CPNE4: variants seen among roughly 807,000 people sequenced by gnomAD.
CPNE4 encodes the protein copine-4.
CPNE4 carries 25 observed loss-of-function variants against 67.9 expected under a neutral mutation model. The ratio of observed to expected loss-of-function variants is 0.37; its 90% CI spans 0.27 to 0.51. The LOEUF (loss-of-function observed/expected upper bound fraction) is 0.51, where lower values mean the gene tolerates loss of function less well. Ranked by LOEUF, CPNE4 falls within the 20% of genes least tolerant of loss-of-function variation. The probability of loss-of-function intolerance (pLI) is 0.93; values close to 1 mark genes in which losing one functional copy is unlikely to be tolerated. For missense variants in CPNE4, 464 were observed against 690.8 expected (o/e 0.67, Z 3.68); for synonymous variants, 242 against 244.9 (o/e 0.99, Z 0.11).
At chr3:131,943,012 A>G (rs1000499169) in intron 1 of CPNE4, among the ~76,000 whole-genome samples, 4 of 152,134 alleles carry the variant, frequency 2.6e-5, no homozygotes, top group African/African-American at 9.6e-5. Flanking sequence ...TAGGCTCACA[A>G]TTCCTTATCT....
At chr3:132,031,293 A>G (rs2074228648) in intron 1 of CPNE4, among the ~76,000 whole-genome samples, 1 of 152,200 alleles carries the variant, frequency 6.6e-6, no homozygotes, top group Non-Finnish European at 1.5e-5. Flanking sequence ...AGGAAATATG[A>G]CTTTGGGTTA....
intron 1 of CPNE4, among the ~76,000 whole-genome samples, chr3:131,994,175 A>G (rs1266251204): frequency 7.3e-6 from 1 of 136,526 alleles, no homozygotes; most frequent in Admixed American, 8.2e-5. Flanking sequence ...TGTAAAAACT[A>G]CTAATGAGAA....
intron 1 of CPNE4, among the ~76,000 whole-genome samples, chr3:131,908,394 T>C (rs2088847477): frequency 6.6e-6 from 1 of 152,160 alleles, no homozygotes; most frequent in African/African-American, 2.4e-5. Context: ...TGGCTTTGTG[T>C]TCAGACAGGT....
At chr3:131,986,270 G>C (rs148485447) in intron 1 of CPNE4, among the ~76,000 whole-genome samples, 32 of 152,294 alleles carry the variant, frequency 2.1e-4, no homozygotes, top group Non-Finnish European at 4.3e-4. Flanking sequence ...AATTTCTGTT[G>C]TGTAAATATT....
chr3:132,020,795 G>A (rs955559516), intron 1 of CPNE4, among the ~76,000 whole-genome samples: 1 of 152,180 alleles, frequency 6.6e-6, no homozygotes, highest in Admixed American at 6.5e-5. Context: ...ACAGGACACT[G>A]TTAACCCTAG....
chr3:131,820,719 G>A (rs1346601255), intron 2 of CPNE4, among the ~76,000 whole-genome samples: 2 of 152,088 alleles, frequency 1.3e-5, no homozygotes, highest in Non-Finnish European at 2.9e-5. Flanking sequence ...GTTAAGTTCT[G>A]ATCCCAGAAA....
At chr3:132,009,358 T>C (rs1273050506) in intron 1 of CPNE4, among the ~76,000 whole-genome samples, 1 of 152,156 alleles carries the variant, frequency 6.6e-6, no homozygotes, top group Non-Finnish European at 1.5e-5. Context: ...TCACAGCCTG[T>C]CCCCATCCCT....
At chr3:131,893,701 G>A (rs1043983350) in intron 2 of CPNE4, among the ~76,000 whole-genome samples, 2 of 151,844 alleles carry the variant, frequency 1.3e-5, no homozygotes, top group African/African-American at 4.8e-5. Context: ...TAAACAGCAC[G>A]CTCTTAAACA....
At chr3:131,838,304 A>G (rs1333805085) in intron 2 of CPNE4, among the ~76,000 whole-genome samples, 2 of 151,992 alleles carry the variant, frequency 1.3e-5, no homozygotes, top group Non-Finnish European at 2.9e-5. Flanking sequence ...TAGAAAAAAT[A>G]CAAAGAACAA....
intron 1 of CPNE4, among the ~76,000 whole-genome samples, chr3:131,930,910 G>T (rs1486026898): frequency 2.6e-5 from 4 of 152,008 alleles, no homozygotes; most frequent in Admixed American, 2.6e-4. Context: ...CTCTTCACAT[G>T]CCTGCGCCTC....
intron 2 of CPNE4, among the ~76,000 whole-genome samples, chr3:131,823,134 C>T (rs898657441): frequency 1.3e-5 from 2 of 152,188 alleles, no homozygotes; most frequent in Non-Finnish European, 2.9e-5. Flanking sequence ...CCACTGCGCC[C>T]GGTCTGTACA....
upstream of CPNE4, chr3:132,037,436 T>C (rs886699722): frequency 1.1e-5 from 8 of 751,668 alleles, no homozygotes; most frequent in Admixed American, 1.5e-4. Context: ...TCTGTACAAA[T>C]GAAGATTTGT....
intron 2 of CPNE4, among the ~76,000 whole-genome samples, chr3:131,898,725 C>T (rs1424272057): frequency 6.6e-6 from 1 of 152,062 alleles, no homozygotes; most frequent in Admixed American, 6.6e-5. Context: ...CACATGACCC[C>T]AGGCAACAAG....
chr3:132,033,439 G>A (rs1200212263), intron 1 of CPNE4, among the ~76,000 whole-genome samples: 2 of 151,474 alleles, frequency 1.3e-5, no homozygotes, highest in African/African-American at 4.9e-5. Flanking sequence ...AGAGGGAGAG[G>A]TTCTCAGATG....
At chr3:131,760,930 T>C (rs538112454) in intron 2 of CPNE4, among the ~76,000 whole-genome samples, 25 of 152,178 alleles carry the variant, frequency 1.6e-4, no homozygotes, top group African/African-American at 5.5e-4. Flanking sequence ...GAGAAGAAGA[T>C]TCAAGGAGAT....
At chr3:131,959,963 C>T (rs899300566) in intron 1 of CPNE4, among the ~76,000 whole-genome samples, 1 of 152,126 alleles carries the variant, frequency 6.6e-6, no homozygotes, top group African/African-American at 2.4e-5. Context: ...AGTAATATGT[C>T]ATACTTCTAG....
intron 1 of CPNE4, among the ~76,000 whole-genome samples, chr3:131,985,137 A>G (rs1403626302): frequency 3.3e-5 from 5 of 152,228 alleles, no homozygotes; most frequent in Non-Finnish European, 7.3e-5. Flanking sequence ...GTGTCCTCAC[A>G]TGACAGAAAG....
chr3:131,910,818 G>A (rs1560585672), intron 1 of CPNE4, among the ~76,000 whole-genome samples: 1 of 152,182 alleles, frequency 6.6e-6, no homozygotes, highest in African/African-American at 2.4e-5. Flanking sequence ...TTTTACCACA[G>A]TGGCTGGTCT....
intron 1 of CPNE4, among the ~76,000 whole-genome samples, chr3:131,968,363 C>A (rs964290999): frequency 6.6e-6 from 1 of 152,278 alleles, no homozygotes; most frequent in South Asian, 2.1e-4. Context: ...CAAATGGGAT[C>A]TAACTAAACT....
Sources: allele counts gnomAD v4.1 joint callset (sites outside exome capture counted in the v4.1 genomes callset), GRCh38; gene constraint gnomAD v4.1.1; transcripts MANE v1.5; gene names NCBI Gene and HGNC (gene_info 2026-07-23, HGNC 2026-07-21).